Variants in SH3PXD2A observed in about 807,000 individuals in gnomAD.
SH3PXD2A encodes the protein SH3 and PX domain-containing protein 2A.
SH3PXD2A carries 32 observed loss-of-function variants against 115.2 expected under a neutral mutation model. That is an observed-to-expected ratio of 0.28 (90% CI 0.21 to 0.37). The LOEUF is 0.37. Among genes scored for constraint, SH3PXD2A ranks in the 10% least tolerant of loss-of-function variants. The pLI, the probability that SH3PXD2A is intolerant of heterozygous loss-of-function variation, is 1.00. For synonymous variants in SH3PXD2A, 610 were observed against 629.1 expected (o/e 0.97, Z 0.45); for missense variants, 1,328 against 1,498.7 (o/e 0.89, Z 1.88).
chr10:103,801,542 T>TACACACACACACACACAC (rs148335179), intron 1 of SH3PXD2A, among the ~76,000 whole-genome samples, 180 bp from the exon 2 acceptor site: 3,869 of 142,882 alleles, frequency 0.027, 93 homozygotes, highest in Admixed American at 0.033. Context: ...TATGTCTAAA[T>TACACACACACACACACAC]ACACACACAC....
At chr10:103,608,528 T>C (rs2036373277) in intron 13 of SH3PXD2A, 1 of 151,590 alleles carries the variant, frequency 6.6e-6, no homozygotes, top group Non-Finnish European at 1.5e-5. Context: ...TACCGAGTCT[T>C]CTCATCCATA....
At chr10:103,640,281 C>A (rs1280298713) in intron 8 of SH3PXD2A, among the ~76,000 whole-genome samples, 3 of 151,434 alleles carry the variant, frequency 2.0e-5, no homozygotes, top group African/African-American at 7.3e-5. Flanking sequence ...CACCACTGCA[C>A]TGTAGCCTGG....
intron 8 of SH3PXD2A, among the ~76,000 whole-genome samples, chr10:103,640,706 G>A (rs372740246): frequency 5.3e-5 from 8 of 152,190 alleles, no homozygotes; most frequent in Admixed American, 1.3e-4. Context: ...CATGCTGGTC[G>A]TGGTTAAGTA....
chr10:103,744,173 G>A (rs964753903), intron 3 of SH3PXD2A, among the ~76,000 whole-genome samples: 97 of 146,332 alleles, frequency 6.6e-4, no homozygotes, highest in African/African-American at 2.4e-3. Context: ...TTTTTTTTGC[G>A]ACAGAGTTTC....
intron 9 of SH3PXD2A, among the ~76,000 whole-genome samples, chr10:103,622,793 G>A (rs1241387061): frequency 6.6e-6 from 1 of 152,200 alleles, no homozygotes; most frequent in Non-Finnish European, 1.5e-5. Context: ...GTGCCCCTGA[G>A]CCTAGGAGTG....
intron 1 of SH3PXD2A, among the ~76,000 whole-genome samples, chr10:103,841,519 A>G (rs1024009651): frequency 6.6e-6 from 1 of 152,122 alleles, no homozygotes; most frequent in African/African-American, 2.4e-5. Flanking sequence ...CCTCTCTGGC[A>G]GTGTTTTGGC....
chr10:103,812,556 C>A (rs944063935), intron 1 of SH3PXD2A, among the ~76,000 whole-genome samples: 9 of 152,306 alleles, frequency 5.9e-5, no homozygotes, highest in Middle Eastern at 3.4e-3. Flanking sequence ...CCCAGGCCTA[C>A]TGACCCCGAC....
At chr10:103,721,998 G>C (rs1326069642) in intron 5 of SH3PXD2A, among the ~76,000 whole-genome samples, 4 of 151,920 alleles carry the variant, frequency 2.6e-5, no homozygotes, top group South Asian at 4.2e-4. Context: ...TCTGTAATGT[G>C]GGGATAAGAA....
intron 6 of SH3PXD2A, among the ~76,000 whole-genome samples, chr10:103,689,291 G>C (rs746167565): frequency 6.6e-6 from 1 of 152,120 alleles, no homozygotes; most frequent in Non-Finnish European, 1.5e-5. Context: ...AGATGAAGGG[G>C]TTTCTAAGGC....
chr10:103,627,247 G>C lies in SH3PXD2A; in HGVS notation c.605-45C>G. ...GAACAGGACTGTGAGATTCTGCAGG[G>C]TGGCAGGGGTGGCTCGGGGGCCAGG... On this transcript the variant is annotated intron_variant, in intron 8 of 14. Coordinates refer to ENST00000369774, the MANE Select transcript of SH3PXD2A (RefSeq NM_001394015.1). This position sits in a 1 kb window ranked among gnomAD's most constrained non-coding sequence, Gnocchi z 4.4. 8.6e-7 allele frequency: 1 copy of C among 1,157,792 alleles called. No homozygotes were observed. The highest frequency in any genetic ancestry group is 1.3e-6 in the Non-Finnish European group (1 of 769,560). The allele number at this position is 1,157,792 out of a possible 1,614,324, so 71.7% of individuals were successfully genotyped here.
chr10:103,770,388 G>A (rs1231095325), intron 2 of SH3PXD2A, among the ~76,000 whole-genome samples: 1 of 142,526 alleles, frequency 7.0e-6, no homozygotes, highest in East Asian at 2.1e-4. Context: ...AAACTTTTTT[G>A]TAGAGATGGG....
chr10:103,678,024 G>C (rs2037561688), intron 6 of SH3PXD2A: 2 of 881,858 alleles, frequency 2.3e-6, no homozygotes, highest in Non-Finnish European at 3.2e-6. Flanking sequence ...ACCCTGAAGG[G>C]CGTTGGCTCC....
intron 3 of SH3PXD2A, among the ~76,000 whole-genome samples, chr10:103,748,954 GTCTT>G (rs539608948): frequency 2.7e-3 from 417 of 151,996 alleles, no homozygotes; most frequent in African/African-American, 8.9e-3. Context: ...TCTTCCTGAA[GTCTT>G]TCTTTCTTTC....
intron 1 of SH3PXD2A, among the ~76,000 whole-genome samples, chr10:103,823,251 G>A (rs181341811): frequency 3.5e-4 from 53 of 152,300 alleles, no homozygotes; most frequent in African/African-American, 1.1e-3. Context: ...GATGTGCCAC[G>A]GATGCCATGA....
rs748404899 is a variant in SH3PXD2A, at chr10:103,602,852, C to A, written c.2366G>T (p.Arg789Leu). 1.2e-6 allele frequency: 2 copies of A among 1,614,088 alleles called. No homozygotes were observed. Among genetic ancestry groups the A allele is most frequent in the Admixed American group, 3.3e-5 (2 of 60,034 alleles). Residue 789 changes from arginine (R) to leucine (L), a missense_variant, in exon 15 of 15, where the codon CGT becomes CTT. Arg to Leu is a moderately radical substitution (Grantham distance 102). Transcript: ENST00000369774. ...ACTCTTGGAGCCCTTGAGCCCTCCA[C>A]GGAGCTGGCCTGTGGGTCTCAGCTG... ...RRQLRPTGQL[R>L]GGLKGSKSED...
At chr10:103,650,069 AAC>A (rs1564853880) in intron 8 of SH3PXD2A, among the ~76,000 whole-genome samples, 1 of 152,216 alleles carries the variant, frequency 6.6e-6, no homozygotes, top group East Asian at 1.9e-4. Context: ...GAGTTAGAAA[AAC>A]AGGCTCTTTA....
At chr10:103,837,031 C>A (rs2039550869) in intron 1 of SH3PXD2A, among the ~76,000 whole-genome samples, 2 of 152,166 alleles carry the variant, frequency 1.3e-5, no homozygotes, top group African/African-American at 4.8e-5. Flanking sequence ...CGTTTGTTTC[C>A]TGAGGCAAGT....
intron 2 of SH3PXD2A, among the ~76,000 whole-genome samples, chr10:103,767,632 C>T (rs1243930191): frequency 1.3e-5 from 2 of 151,466 alleles, no homozygotes; most frequent in South Asian, 2.1e-4. Context: ...CTTCCAGAAC[C>T]GTGCTGTGGA....
intron 6 of SH3PXD2A, among the ~76,000 whole-genome samples, chr10:103,687,275 C>A (rs550099795): frequency 6.6e-6 from 1 of 152,248 alleles, no homozygotes; most frequent in South Asian, 2.1e-4. Context: ...ACCTAGCCAG[C>A]CCCCACAATT....
Sources: gnomAD v4.1 joint callset for allele counts (sites outside exome capture counted in the v4.1 genomes callset) on GRCh38, gnomAD v4.1.1 for gene constraint, Gnocchi (gnomAD v3.1) non-coding constraint, MANE v1.5 for transcripts, NCBI Gene and HGNC (gene_info 2026-07-23, HGNC 2026-07-21) for gene names.